The following SREBF2 variants were observed in gnomAD, a reference collection of about 807,000 sequenced individuals.
SREBF2 encodes sterol regulatory element binding transcription factor 2, also known as sterol regulatory element-binding protein 2.
In SREBF2, 55 loss-of-function variants were observed where a neutral mutation model predicts 113.1. The observed-to-expected ratio is 0.49, with a 90% CI of 0.39 to 0.61. The LOEUF (loss-of-function observed/expected upper bound fraction) is 0.61, where lower values mean the gene tolerates loss of function less well. SREBF2 is among the 20% of genes least tolerant of loss of function. The probability of loss-of-function intolerance (pLI) is 0.00; values close to 1 mark genes in which losing one functional copy is unlikely to be tolerated. For synonymous variants in SREBF2, 593 were observed against 605.7 expected (o/e 0.98, Z 0.31); for missense variants, 1,349 against 1,487.4 (o/e 0.91, Z 1.53).
chr22:41,839,086 G>A (rs529661633), intron 1 of SREBF2, among the ~76,000 whole-genome samples: 23 of 152,266 alleles, frequency 1.5e-4, no homozygotes, highest in African/African-American at 5.5e-4. Flanking sequence ...AGGAGTGAGT[G>A]TTGGGGATGT....
At chr22:41,834,076 A>C (rs1312407236) in intron 1 of SREBF2, 1 of 152,480 alleles carries the variant, frequency 6.6e-6, no homozygotes, top group Non-Finnish European at 1.5e-5. Flanking sequence ...TTAACAGCGG[A>C]GTGGAAGAGC....
chr22:41,894,973 C>G (rs371035920), intron 13 of SREBF2, 36 bp downstream of exon 13: 2 of 1,565,708 alleles, frequency 1.3e-6, no homozygotes, highest in African/African-American at 2.7e-5. Context: ...GCCTTAGGAC[C>G]TGTCCACGCA....
At chr22:41,900,916 G>A (rs1432376671) in intron 16 of SREBF2, 4 of 536,856 alleles carry the variant, frequency 7.5e-6, no homozygotes, top group Admixed American at 3.9e-5. Context: ...GCACCTCCTT[G>A]GCTGGCCGCA....
Position 41,873,785 on chromosome 22 carries a change from G to C in SREBF2, c.868-13G>C. On this transcript the variant is annotated splice_polypyrimidine_tract_variant and intron_variant, in intron 4 of 18. Coordinates refer to ENST00000361204, the MANE Select transcript of SREBF2 (RefSeq NM_004599.4). ...AAAGGGATCATTCTGCTGTGTACCT[G>C]TCCCTATTCTAGACCCTGGTGGGCA... 1 of 1,591,882 alleles carries C rather than the reference G, an allele frequency of 6.3e-7. No homozygotes were observed. Among genetic ancestry groups the C allele is most frequent in the Non-Finnish European group, 8.6e-7 (1 of 1,168,260 alleles).
At position 41,833,710 on chromosome 22, in the gene SREBF2, T is replaced by A; in HGVS notation, c.88+352T>A. Reference sequence around the variant, plus strand: ...CTCGCGCGCCCACACGCGGTTTCCGTGGTCCGCTCTCCCGCCGCCCGCGAC... The same window carrying A: ...CTCGCGCGCCCACACGCGGTTTCCGAGGTCCGCTCTCCCGCCGCCCGCGAC... On this transcript the variant is annotated intron_variant, in intron 1 of 18. Coordinates refer to ENST00000361204, the MANE Select transcript of SREBF2 (RefSeq NM_004599.4). The surrounding 1 kb of genome is among the most constrained non-coding windows in gnomAD (Gnocchi z 4.1). The A allele has an allele frequency of 5.0e-6, 1 of 199,450 alleles. No individual in the cohort carries two copies. The highest frequency in any genetic ancestry group is 1.7e-3 in the Middle Eastern group (1 of 586). The allele number at this position is 199,450 out of a possible 1,614,324, so 12.4% of individuals were successfully genotyped here.
intron 5 of SREBF2, among the ~76,000 whole-genome samples, chr22:41,874,485 T>A (rs2148387818): frequency 6.6e-6 from 1 of 152,374 alleles, no homozygotes; most frequent in East Asian, 1.9e-4. Context: ...AGTGTATGTG[T>A]CTTCTAGAAA....
intron 11 of SREBF2, among the ~76,000 whole-genome samples, chr22:41,886,962 A>C (rs2077304986): frequency 6.6e-6 from 1 of 152,240 alleles, no homozygotes; most frequent in African/African-American, 2.4e-5. Flanking sequence ...TGAACCCAGG[A>C]GGTGGAGGGT....
At chr22:41,869,385 C>T (rs1421883282) in intron 3 of SREBF2, among the ~76,000 whole-genome samples, 3 of 149,030 alleles carry the variant, frequency 2.0e-5, no homozygotes, top group Non-Finnish European at 4.5e-5. Context: ...TGAGCCACTG[C>T]CCTTGGCTTT....
At chr22:41,879,510 G>T (rs2077226618) in intron 9 of SREBF2, among the ~76,000 whole-genome samples, 3 of 152,206 alleles carry the variant, frequency 2.0e-5, no homozygotes, top group Admixed American at 1.3e-4. Flanking sequence ...CAAAGACTGG[G>T]ACTTGGGAAT....
At chr22:41,869,500 TTG>T (rs200861752) in intron 3 of SREBF2, among the ~76,000 whole-genome samples, 65 of 127,156 alleles carry the variant, frequency 5.1e-4, no homozygotes, top group African/African-American at 1.0e-3. Context: ...TTTTTTTTTT[TTG>T]GAGACAGTTT....
rs780219866 is a variant in SREBF2, at chr22:41,904,928, G to T, written c.3159G>T (p.Leu1053=). The T allele has an allele frequency of 1.4e-5, 23 of 1,606,144 alleles. No homozygotes were observed. The highest frequency in any genetic ancestry group is 2.0e-5 in the Non-Finnish European group (23 of 1,178,916). The change falls in exon 18 of 19, where the codon CTG becomes CTT. Residue 1053 remains leucine, a synonymous_variant. Coordinates refer to ENST00000361204, the MANE Select transcript of SREBF2 (RefSeq NM_004599.4). ...AGASPTRTHQ[L]LEHSLRRRTT... ...CCAGCCCCACCCGCACCCACCAGCT[G>T]CTGGAACACAGCCTGCGGCGGCGCA...
intron 1 of SREBF2, among the ~76,000 whole-genome samples, chr22:41,853,783 C>T (rs919447913): frequency 2.0e-5 from 3 of 152,090 alleles, no homozygotes; most frequent in Admixed American, 6.6e-5. Flanking sequence ...CGCCTGTAAT[C>T]CCAGCACTTT....
chr22:41,860,731 T>G (rs1419401191), intron 1 of SREBF2, among the ~76,000 whole-genome samples: 1 of 152,008 alleles, frequency 6.6e-6, no homozygotes, highest in Non-Finnish European at 1.5e-5. Context: ...AAAGATTTCT[T>G]TAAAGTTAGC....
intron 17 of SREBF2, 87 bp downstream of exon 17, chr22:41,903,242 T>A: frequency 6.7e-7 from 1 of 1,495,710 alleles, no homozygotes. Context: ...AGCATGTGGT[T>A]GTGGAGTTGG....
In SREBF2 at chr22:41,905,797, A is replaced by G; in HGVS notation, c.*137A>G. The G allele has an allele frequency of 1.0e-6, 1 of 981,262 alleles. No homozygotes were observed. The highest frequency in any genetic ancestry group is 1.6e-6 in the Non-Finnish European group (1 of 629,724). 60.8% of individuals were successfully genotyped at this position (981,262 alleles called of 1,614,324 possible). On this transcript the variant is annotated 3_prime_UTR_variant, in exon 19 of 19. Coordinates refer to ENST00000361204, the MANE Select transcript of SREBF2 (RefSeq NM_004599.4). ...CCGAGGCTTCTGGGCCACTCAGGCCAGTGCACCCCTGGGCAGAGCCCCTTA... is the reference window on the plus strand; with the variant it reads ...CCGAGGCTTCTGGGCCACTCAGGCCGGTGCACCCCTGGGCAGAGCCCCTTA...
chr22:41,858,239 G>A (rs1330270875), intron 1 of SREBF2, among the ~76,000 whole-genome samples: 1 of 152,036 alleles, frequency 6.6e-6, no homozygotes. Context: ...CCATGTTCTT[G>A]TACTTGTTGG....
intron 3 of SREBF2, among the ~76,000 whole-genome samples, chr22:41,869,191 G>A (rs774060707): frequency 6.6e-6 from 1 of 152,030 alleles, no homozygotes; most frequent in African/African-American, 2.4e-5. Context: ...TATAACCTCC[G>A]CCTCCCGGGT....
At chr22:41,837,842 G>A (rs1402155025) in intron 1 of SREBF2, among the ~76,000 whole-genome samples, 3 of 134,704 alleles carry the variant, frequency 2.2e-5, no homozygotes, top group Non-Finnish European at 4.7e-5. Flanking sequence ...TGGGCAACAA[G>A]AGCAAGACTC....
At chr22:41,844,429 C>T (rs542435718) in intron 1 of SREBF2, among the ~76,000 whole-genome samples, 134 of 152,230 alleles carry the variant, frequency 8.8e-4, no homozygotes, top group African/African-American at 3.0e-3. Flanking sequence ...GAGGAGCAGT[C>T]ACAGAGTGTG....
Sources: gnomAD v4.1 joint callset for allele counts (sites outside exome capture counted in the v4.1 genomes callset) on GRCh38, gnomAD v4.1.1 for gene constraint, Gnocchi (gnomAD v3.1) non-coding constraint, MANE v1.5 for transcripts, NCBI Gene and HGNC (gene_info 2026-07-23, HGNC 2026-07-21) for gene names.